NLRC3: variants seen among roughly 807,000 people sequenced by gnomAD.
The protein encoded by NLRC3 is NLR family CARD domain-containing protein 3.
Under a neutral mutation model 91.6 loss-of-function variants are expected in NLRC3, and 87 were observed. The observed-to-expected ratio is 0.95, with a 90% CI of 0.80 to 1.14. The LOEUF (loss-of-function observed/expected upper bound fraction) is 1.14. Among genes scored for constraint, NLRC3 ranks in the 50% most tolerant of loss-of-function variants. The pLI is 0.00. For missense variants in NLRC3, 1,577 were observed against 1,418.6 expected (o/e 1.11, Z -1.79); for synonymous variants, 694 against 625.3 (o/e 1.11, Z -1.64).
rs2039793589 is a variant in NLRC3, at chr16:3,564,680, C to G, written c.257G>C (p.Arg86Thr). 6.2e-7 allele frequency: 1 copy of G among 1,603,170 alleles called. No individual in the cohort carries two copies. Among genetic ancestry groups the G allele is most frequent in the Non-Finnish European group, 8.5e-7 (1 of 1,179,306 alleles). The stretch of plus-strand genomic sequence containing the variant: ...CTCCACCAGCAGGAGGGAGGCCAGC[C>G]TGTGCCAGGGTCCGCCCAGCTCCGG... ...GGPELGGPWHRLASLLLVEGL... is the reference protein window; with the variant it reads ...GGPELGGPWHTLASLLLVEGL... Residue 86 changes from arginine (R) to threonine (T), a missense_variant, in exon 5 of 20, where the codon AGG (arginine) becomes ACG (threonine). By Grantham distance (71) the Arg-to-Thr change is moderately conservative (BLOSUM62 -1). Transcript: ENST00000359128. The surrounding 1 kb of genome is among the most constrained non-coding windows in gnomAD (Gnocchi z 5.9).
In NLRC3 at chr16:3,569,371, C is replaced by CAT. The variant is rs139927647; in HGVS notation, c.-168-2049_-168-2048dup. ...TTTTTATCTCTTTATTTCTGAAAACCATATATATATATATATATATATATT... is the reference window on the plus strand; with the variant it reads ...TTTTTATCTCTTTATTTCTGAAAACCATATATATATATATATATATATATATT... On this transcript the variant is annotated intron_variant, in intron 1 of 19. Transcript: ENST00000359128. Among the ~76,000 whole-genome samples the CAT allele has an allele frequency of 6.8e-3, 480 of 70,404 alleles. 7 individuals carry two copies. The highest frequency in any genetic ancestry group is 0.018 in the African/African-American group (264 of 15,008). The allele number at this position is 70,404 out of a possible 152,430, so 46.2% of individuals were successfully genotyped here.
chr16:3,550,355 C>T (rs2038927759), intron 11 of NLRC3, 59 bp downstream of exon 11: 1 of 1,158,964 alleles, frequency 8.6e-7, no homozygotes, highest in Non-Finnish European at 1.3e-6. Context: ...GGACTGCCGG[C>T]CCACTATCTA....
rs538932959 is a variant in NLRC3 at position 3,549,012 on chromosome 16, T to C, written c.2603+130A>G. 27 of 758,192 alleles carry C rather than the reference T, an allele frequency of 3.6e-5. No individual in the cohort carries two copies. In the East Asian group the frequency reaches 7.2e-4, roughly 20 times the overall value. 47.0% of individuals were successfully genotyped at this position (758,192 alleles called of 1,614,324 possible). ...ACTTGCCACCCGATGTCAGGTCTCC[T>C]GGCTGCACCCTCCCCAGCCAGCTCC... is the stretch of plus-strand genomic sequence containing the variant. On this transcript the variant is annotated intron_variant, in intron 13 of 19. Coordinates refer to ENST00000359128, the MANE Select transcript of NLRC3 (RefSeq NM_178844.4).
chr16:3,573,962 G>A (rs532250012), intron 1 of NLRC3, among the ~76,000 whole-genome samples: 1 of 145,932 alleles, frequency 6.9e-6, no homozygotes, highest in African/African-American at 2.6e-5. Context: ...GGGATTACAG[G>A]TACAGGTGAG....
At chr16:3,569,706 A>T (rs1339254701) in intron 1 of NLRC3, among the ~76,000 whole-genome samples, 2 of 151,788 alleles carry the variant, frequency 1.3e-5, no homozygotes. Context: ...CCCAAAAACT[A>T]TAACTCTTAT....
chr16:3,575,613 G>A (rs541502314), intron 1 of NLRC3, among the ~76,000 whole-genome samples: 1 of 152,218 alleles, frequency 6.6e-6, no homozygotes. Context: ...GTCTGTGAGC[G>A]AAGGTGAACC....
At chr16:3,558,834 C>T (rs983564901) in intron 6 of NLRC3, among the ~76,000 whole-genome samples, 1 of 152,142 alleles carries the variant, frequency 6.6e-6, no homozygotes, top group African/African-American at 2.4e-5. Flanking sequence ...AGTGCAGTGG[C>T]ATGATCATGG....
rs149218240 is a variant in NLRC3 at position 3,555,229 on chromosome 16, CA to C, written c.2184-905del. On this transcript the variant is annotated intron_variant, in intron 8 of 19. Coordinates refer to ENST00000359128, the MANE Select transcript of NLRC3 (RefSeq NM_178844.4). ...TGGGTGACAGAGTCAGACTCCGTCT[CA>C]AAAAAAAAAAAAAAAAAAGTTAAAA... Among the ~76,000 whole-genome samples, 784 of 82,416 alleles carry C rather than the reference CA, an allele frequency of 9.5e-3. 6 individuals are homozygous for C. The highest frequency in any genetic ancestry group is 0.03 in the African/African-American group (626 of 20,788). The allele number at this position is 82,416 out of a possible 152,430, so 54.1% of individuals were successfully genotyped here. A position where few individuals can be genotyped will look rare whatever the true frequency, so the allele number is the denominator to read the frequency against.
At chr16:3,548,981 T>A (rs2038848858) in intron 13 of NLRC3, among the ~76,000 whole-genome samples, 161 bp downstream of exon 13, 1 of 151,840 alleles carries the variant, frequency 6.6e-6, no homozygotes, top group Admixed American at 6.6e-5. Flanking sequence ...ACTATGAGAG[T>A]GGGGGACTTG....
Position 3,556,945 on chromosome 16 carries a change from C to A in NLRC3, c.2149G>T (p.Ala717Ser). The change falls in exon 8 of 20, where the codon GCT (alanine) becomes TCT (serine). Residue 717 changes from alanine to serine, a missense_variant. Transcript: ENST00000359128. ...GPQGAKALAD[A>S]LKINRTLTSL... is the part of the protein sequence containing the mutation. The stretch of plus-strand genomic sequence containing the variant: ...GTCAGGGTGCGGTTGATCTTCAAAG[C>A]GTCTGCCAGCGCCTTGGCCCCTTGT... 1.9e-6 allele frequency: 3 copies of A among 1,613,788 alleles called. No homozygotes were observed. Among genetic ancestry groups the A allele is most frequent in the Non-Finnish European group, 2.5e-6 (3 of 1,179,792 alleles).
chr16:3,548,145 T>C lies in NLRC3; in HGVS notation c.2761A>G (p.Thr921Ala). The C allele has an allele frequency of 1.9e-6, 3 of 1,586,560 alleles. No homozygotes were observed. Among genetic ancestry groups the C allele is most frequent in the African/African-American group, 2.7e-5 (2 of 74,540 alleles). Reference protein sequence around the residue: ...GQALQLNRSLTSLDLQENAIG... With the variant: ...GQALQLNRSLASLDLQENAIG... ...GGCAGGCCAACTTACTCTAAGCTGG[T>C]GAGGCTCCTGTTGAGCTGTAGTGCT... Residue 921 changes from threonine (T) to alanine (A), a missense_variant, in exon 15 of 20, where the codon ACC becomes GCC. By Grantham distance (58) the Thr-to-Ala change is moderately conservative. Coordinates refer to ENST00000359128, the MANE Select transcript of NLRC3 (RefSeq NM_178844.4).
At chr16:3,556,875 C>G in intron 8 of NLRC3, 36 bp downstream of exon 8, 1 of 1,485,646 alleles carries the variant, frequency 6.7e-7, no homozygotes, top group Non-Finnish European at 9.4e-7. Context: ...TGGGCCCTCT[C>G]TTGGGGTCAC....
chr16:3,575,526 G>A (rs537680430), intron 1 of NLRC3, among the ~76,000 whole-genome samples: 17 of 152,356 alleles, frequency 1.1e-4, no homozygotes, highest in African/African-American at 3.6e-4. Flanking sequence ...GGCGAGGCCA[G>A]AGGGACGAGT....
chr16:3,546,254 A>G (rs938845755), intron 15 of NLRC3, among the ~76,000 whole-genome samples: 1 of 152,066 alleles, frequency 6.6e-6, no homozygotes, highest in Admixed American at 6.6e-5. Context: ...TGTAAATATT[A>G]CTTTAAAAAA....
intron 12 of NLRC3, 27 bp from the exon 13 acceptor site, chr16:3,549,252 T>G: frequency 1.3e-6 from 2 of 1,524,430 alleles, no homozygotes; most frequent in African/African-American, 1.4e-5. Context: ...GACCTGAGCT[T>G]CTGACCGGGC....
At position 3,576,045 on chromosome 16, in the gene NLRC3, C is replaced by G. The variant is rs2040278684; in HGVS notation, c.-169+1104G>C. ...CCCTACCCTGCTCACTGCATGGACCCCTGGAGTCCAAGGGGTGGAGAGGCC... is the reference window on the plus strand; with the variant it reads ...CCCTACCCTGCTCACTGCATGGACCGCTGGAGTCCAAGGGGTGGAGAGGCC... On this transcript the variant is annotated intron_variant, in intron 1 of 19. Coordinates refer to ENST00000359128, the MANE Select transcript of NLRC3 (RefSeq NM_178844.4). Among the ~76,000 whole-genome samples, 2 of 152,208 alleles carry G rather than the reference C, an allele frequency of 1.3e-5. 1 individual carries two copies. Among genetic ancestry groups the G allele is most frequent in the South Asian group, 4.1e-4 (2 of 4,834 alleles).
At position 3,540,805 on chromosome 16, in the gene NLRC3, A is replaced by T. The variant is rs1205928198; in HGVS notation, c.*1020T>A. On this transcript the variant is annotated 3_prime_UTR_variant, in exon 20 of 20. Coordinates refer to ENST00000359128, the MANE Select transcript of NLRC3 (RefSeq NM_178844.4). ...GTGACAGATTCTGTCTCAAAAATAA[A>T]TAAAGAATGACATCACTGAATACAC... The T allele has an allele frequency of 6.6e-6, 1 of 152,008 alleles. No homozygotes were observed. The highest frequency in any genetic ancestry group is 1.5e-5 in the Non-Finnish European group (1 of 68,022). 9.4% of individuals were successfully genotyped at this position (152,008 alleles called of 1,614,324 possible). A position where few individuals can be genotyped will look rare whatever the true frequency, so the allele number is the denominator to read the frequency against.
In NLRC3 at chr16:3,563,615, C is replaced by T. The variant is rs199549213; in HGVS notation, c.1322G>A (p.Arg441Lys). 110 of 1,613,338 alleles carry T rather than the reference C, an allele frequency of 6.8e-5. No homozygotes were observed. Among genetic ancestry groups the T allele is most frequent in the Non-Finnish European group, 8.4e-5 (99 of 1,179,816 alleles). ...QGAPCSCFLQ[R>K]EETLASSVAY... Reference sequence around the variant, plus strand: ...CACTGACGATGCCAACGTCTCCTCTCTCTGCAGGAAGCAGCTGCACGGGGC... The same window carrying T: ...CACTGACGATGCCAACGTCTCCTCTTTCTGCAGGAAGCAGCTGCACGGGGC... The change falls in exon 5 of 20, where the codon AGA becomes AAA. Residue 441 changes from arginine to lysine, a missense_variant. By Grantham distance (26) the Arg-to-Lys change is conservative (BLOSUM62 2). Transcript: ENST00000359128.
chr16:3,566,148 C>T (rs138132927), intron 2 of NLRC3, among the ~76,000 whole-genome samples: 55 of 131,516 alleles, frequency 4.2e-4, no homozygotes, highest in African/African-American at 1.2e-3. Context: ...AGAGTATACA[C>T]TATGGACATT....
Sources: allele counts gnomAD v4.1 joint callset (sites outside exome capture counted in the v4.1 genomes callset), GRCh38; gene constraint gnomAD v4.1.1; non-coding constraint Gnocchi (gnomAD v3.1); transcripts MANE v1.5; gene names NCBI Gene and HGNC (gene_info 2026-07-23, HGNC 2026-07-21).